The following TOX variants were observed in gnomAD, a reference collection of about 807,000 sequenced individuals.
TOX encodes the protein thymocyte selection-associated high mobility group box protein TOX.
A neutral mutation model predicts 53.7 loss-of-function variants in TOX; 11 were observed. The ratio of observed to expected loss-of-function variants is 0.20; its 90% CI spans 0.13 to 0.34. The LOEUF (loss-of-function observed/expected upper bound fraction) is 0.34. TOX is among the 10% of genes least tolerant of loss of function. The pLI is 1.00. For missense variants in TOX, 570 were observed against 664.6 expected, an observed-to-expected ratio of 0.86 and a Z score of 1.56; for synonymous variants, 225 against 245.3, an observed-to-expected ratio of 0.92 and a Z score of 0.77.
At position 59,055,815 on chromosome 8, in the gene TOX, C is replaced by A. The variant is rs548262066; in HGVS notation, c.102+63071G>T. Among the ~76,000 whole-genome samples, 3 of 152,324 alleles carry A rather than the reference C, an allele frequency of 2.0e-5. No homozygotes were observed. The South Asian group carries it at 6.2e-4, about 32-fold the overall frequency. On this transcript the variant is annotated intron_variant, in intron 1 of 8. Transcript: ENST00000361421. ...TTTCCCAAATCAGCAACTGGGTCTGCATTCCTAGTACTTGCTCACTTTATC... is the reference window on the plus strand; with the variant it reads ...TTTCCCAAATCAGCAACTGGGTCTGAATTCCTAGTACTTGCTCACTTTATC...
chr8:58,935,392 G>T (rs1812327546), intron 3 of TOX, among the ~76,000 whole-genome samples: 1 of 152,100 alleles, frequency 6.6e-6, no homozygotes, highest in Admixed American at 6.5e-5. Flanking sequence ...ACAGCAAAAG[G>T]CTCAGCTTTG....
chr8:59,107,368 T>C (rs1804933098), intron 1 of TOX, among the ~76,000 whole-genome samples: 2 of 152,146 alleles, frequency 1.3e-5, no homozygotes, highest in South Asian at 2.1e-4. Flanking sequence ...CATAATAGCA[T>C]ATTAGTGTGC....
intron 1 of TOX, among the ~76,000 whole-genome samples, chr8:59,089,008 T>G (rs1353632945): frequency 6.6e-6 from 1 of 152,178 alleles, no homozygotes; most frequent in Non-Finnish European, 1.5e-5. Context: ...CATCCAAGTT[T>G]AAGATAAAAT....
intron 7 of TOX, among the ~76,000 whole-genome samples, chr8:58,808,947 TG>T (rs2129163610): frequency 6.6e-6 from 1 of 152,356 alleles, no homozygotes; most frequent in South Asian, 2.1e-4. Flanking sequence ...GTCTATTAAC[TG>T]GCAAACAATA....
intron 1 of TOX, among the ~76,000 whole-genome samples, chr8:58,963,306 G>GT (rs1812833583): frequency 7.6e-6 from 1 of 131,584 alleles, no homozygotes; most frequent in South Asian, 2.3e-4. Context: ...TAGATAGATA[G>GT]ATATATATAT....
intron 1 of TOX, among the ~76,000 whole-genome samples, chr8:59,053,007 T>A (rs1261350701): frequency 2.0e-5 from 3 of 152,186 alleles, no homozygotes; most frequent in Admixed American, 6.6e-5. Context: ...AAATCAATAT[T>A]TATTTGAATT....
At chr8:59,020,401 CT>C (rs1268528599) in intron 1 of TOX, among the ~76,000 whole-genome samples, 1 of 152,164 alleles carries the variant, frequency 6.6e-6, no homozygotes, top group Non-Finnish European at 1.5e-5. Context: ...GCTGAGAATG[CT>C]TTTCTTTATC....
At chr8:58,822,367 T>C (rs767962960) in intron 6 of TOX, among the ~76,000 whole-genome samples, 1 of 152,220 alleles carries the variant, frequency 6.6e-6, no homozygotes, top group South Asian at 2.1e-4. Flanking sequence ...CTTTTCCAAC[T>C]TCCCCCTTTA....
At chr8:58,998,931 T>A (rs114807470) in intron 1 of TOX, among the ~76,000 whole-genome samples, 5,074 of 152,168 alleles carry the variant, frequency 0.033, 236 homozygotes, top group South Asian at 0.098. Flanking sequence ...CAGTTACTAA[T>A]TCATTTTATT....
intron 1 of TOX, among the ~76,000 whole-genome samples, chr8:58,995,931 G>A (rs1403124173): frequency 6.6e-6 from 1 of 152,114 alleles, no homozygotes; most frequent in African/African-American, 2.4e-5. Context: ...TCCTGGGGCT[G>A]GGAATCATTT....
At chr8:59,111,966 T>C (rs1404720719) in intron 1 of TOX, among the ~76,000 whole-genome samples, 1 of 152,234 alleles carries the variant, frequency 6.6e-6, no homozygotes, top group African/African-American at 2.4e-5. Context: ...TCATGACCTT[T>C]GATATTATAA....
chr8:58,858,022 G>A (rs530101253), intron 3 of TOX, among the ~76,000 whole-genome samples: 26 of 152,176 alleles, frequency 1.7e-4, no homozygotes, highest in Admixed American at 1.0e-3. Context: ...CACCCACCTC[G>A]GCCTCCCAAA....
At chr8:59,014,719 T>C (rs1242108653) in intron 1 of TOX, among the ~76,000 whole-genome samples, 2 of 152,236 alleles carry the variant, frequency 1.3e-5, no homozygotes, top group Admixed American at 1.3e-4. Context: ...ACTGTATTTA[T>C]TTTTAGCATT....
At chr8:58,954,088 G>GTAAA (rs1348502928) in intron 2 of TOX, among the ~76,000 whole-genome samples, 21 of 152,230 alleles carry the variant, frequency 1.4e-4, no homozygotes, top group African/African-American at 5.1e-4. Flanking sequence ...CCATTGCATT[G>GTAAA]CTGATGATAA....
In TOX at chr8:58,806,633, T is replaced by C. The variant is rs865795406; in HGVS notation, c.*1114A>G. 14 of 152,630 alleles carry C rather than the reference T, an allele frequency of 9.2e-5. No individual in the cohort carries two copies. Among genetic ancestry groups the C allele is most frequent in the Admixed American group, 2.0e-4 (3 of 15,282 alleles). 9.5% of individuals were successfully genotyped at this position (152,630 alleles called of 1,614,324 possible). ...AAAGAAATGCAGAAATAAGGACTGG[T>C]TACTTTAATTTGCTGCTAAATGAAA... On this transcript the variant is annotated 3_prime_UTR_variant, in exon 9 of 9. Coordinates refer to ENST00000361421, the MANE Select transcript of TOX (RefSeq NM_014729.3).
chr8:59,082,280 A>T (rs1804423981), intron 1 of TOX, among the ~76,000 whole-genome samples: 1 of 152,240 alleles, frequency 6.6e-6, no homozygotes, highest in Non-Finnish European at 1.5e-5. Flanking sequence ...TCCACGGAGA[A>T]TTGGGGAGTT....
chr8:59,017,117 C>T (rs950430580), intron 1 of TOX, among the ~76,000 whole-genome samples: 6 of 152,226 alleles, frequency 3.9e-5, no homozygotes, highest in South Asian at 2.1e-4. Flanking sequence ...CACCAGGCTG[C>T]GAGGACATCG....
chr8:58,879,936 T>C (rs1170994339), intron 3 of TOX, among the ~76,000 whole-genome samples: 1 of 152,214 alleles, frequency 6.6e-6, no homozygotes, highest in Non-Finnish European at 1.5e-5. Flanking sequence ...TTTCCTCTCT[T>C]CCTTGTAAAA....
chr8:58,823,686 C>T (rs758242637), intron 6 of TOX, among the ~76,000 whole-genome samples: 1 of 152,160 alleles, frequency 6.6e-6, no homozygotes, highest in Non-Finnish European at 1.5e-5. Flanking sequence ...TTTCAAGTAT[C>T]ATGAAACAGT....
Sources: gnomAD v4.1 joint callset for allele counts (sites outside exome capture counted in the v4.1 genomes callset) on GRCh38, gnomAD v4.1.1 for gene constraint, MANE v1.5 for transcripts, NCBI Gene and HGNC (gene_info 2026-07-23, HGNC 2026-07-21) for gene names.